The following ARAP2 variants were observed in gnomAD, a reference collection of about 807,000 sequenced individuals.
ARAP2 encodes the protein arf-GAP with Rho-GAP domain, ANK repeat and PH domain-containing protein 2.
ARAP2 carries 148 observed loss-of-function variants against 194.5 expected under a neutral mutation model. That is an observed-to-expected ratio of 0.76 (90% CI 0.67 to 0.87). ARAP2 has a LOEUF of 0.87. ARAP2 is among the 40% of genes least tolerant of loss of function. The pLI is 0.00. For synonymous variants in ARAP2, 695 were observed against 683.5 expected, an observed-to-expected ratio of 1.02 and a Z score of -0.26; for missense variants, 2,128 against 1,989.7, an observed-to-expected ratio of 1.07 and a Z score of -1.32.
chr4:36,164,822 C>T lies in ARAP2; in HGVS notation c.2173+92G>A, dbSNP rs1221248598. 4.8e-6 allele frequency: 6 copies of T among 1,261,312 alleles called. No individual in the cohort carries two copies. In the Admixed American group the frequency reaches 7.4e-5, roughly 16 times the overall value. The allele number at this position is 1,261,312 out of a possible 1,614,324, so 78.1% of individuals were successfully genotyped here. On this transcript the variant is annotated intron_variant, in intron 11 of 32. Coordinates refer to ENST00000303965, the MANE Select transcript of ARAP2 (RefSeq NM_015230.4). Reference sequence around the variant, plus strand: ...CTTTCTCTGGTTTTACTTCTCATAACCATTAGCTAGGATATATAATATGCA... The same window carrying T: ...CTTTCTCTGGTTTTACTTCTCATAATCATTAGCTAGGATATATAATATGCA...
chr4:36,133,432 T>TAA, intron 19 of ARAP2, 43 bp from the exon 20 acceptor site: 1 of 1,515,136 alleles, frequency 6.6e-7, no homozygotes, highest in Non-Finnish European at 9.0e-7. Context: ...TTTTGCTCTT[T>TAA]AAAAAAAAAT....
rs75039472 is a variant in ARAP2 at position 36,163,442 on chromosome 4, T to C, written c.2173+1472A>G. On this transcript the variant is annotated intron_variant, in intron 11 of 32. Transcript: ENST00000303965. ...TTGGTAAATGTGGTGAAAAGATTTTTACCACAGTTGAGAGAAAAGGTAGCT... is the reference window on the plus strand; with the variant it reads ...TTGGTAAATGTGGTGAAAAGATTTTCACCACAGTTGAGAGAAAAGGTAGCT... Among the ~76,000 whole-genome samples the C allele has an allele frequency of 6.6e-3, 1,001 of 152,268 alleles. 11 individuals are homozygous for C. The highest frequency in any genetic ancestry group is 0.023 in the African/African-American group (936 of 41,554).
chr4:36,187,137 A>G (rs959236693), intron 8 of ARAP2, among the ~76,000 whole-genome samples: 4 of 152,236 alleles, frequency 2.6e-5, no homozygotes, highest in Non-Finnish European at 5.9e-5. Flanking sequence ...TTGCATTATC[A>G]AAACAACATC....
At chr4:36,123,852 T>C (rs1723254777) in intron 22 of ARAP2, among the ~76,000 whole-genome samples, 1 of 151,756 alleles carries the variant, frequency 6.6e-6, no homozygotes, top group African/African-American at 2.4e-5. Flanking sequence ...ACATTATCCT[T>C]CACTCATTTC....
chr4:36,118,595 G>C (rs1292610286), intron 24 of ARAP2, among the ~76,000 whole-genome samples: 1 of 151,152 alleles, frequency 6.6e-6, no homozygotes, highest in Non-Finnish European at 1.5e-5. Flanking sequence ...AAATGCAAAA[G>C]GATACTCAAA....
chr4:36,146,701 A>AT (rs1009559826), intron 19 of ARAP2, among the ~76,000 whole-genome samples: 4 of 151,984 alleles, frequency 2.6e-5, no homozygotes, highest in African/African-American at 9.7e-5. Context: ...TATATTGCTT[A>AT]TTTTTCTGTG....
At chr4:36,126,949 C>A (rs1724076780) in intron 21 of ARAP2, among the ~76,000 whole-genome samples, 1 of 151,998 alleles carries the variant, frequency 6.6e-6, no homozygotes, top group Non-Finnish European at 1.5e-5. Flanking sequence ...GTGATCCTCC[C>A]ACCTCAGTCT....
At chr4:36,213,147 C>T in intron 4 of ARAP2, 96 bp downstream of exon 4, 1 of 947,676 alleles carries the variant, frequency 1.1e-6, no homozygotes, top group Non-Finnish European at 1.6e-6. Context: ...AATATAATGC[C>T]ATTCTTCAAA....
intron 5 of ARAP2, among the ~76,000 whole-genome samples, chr4:36,044,169 C>A (rs1721422198): frequency 6.6e-6 from 1 of 151,936 alleles, no homozygotes; most frequent in South Asian, 2.1e-4. Flanking sequence ...GATCATAAAC[C>A]ACCGATGTCA....
chr4:36,037,119 A>C (rs556001025), intron 5 of ARAP2, among the ~76,000 whole-genome samples: 1 of 152,214 alleles, frequency 6.6e-6, no homozygotes, highest in South Asian at 2.1e-4. Context: ...CAAGACCTCC[A>C]TACACTCTTC....
At chr4:36,223,614 G>A (rs192765274) in intron 2 of ARAP2, among the ~76,000 whole-genome samples, 2 of 152,054 alleles carry the variant, frequency 1.3e-5, no homozygotes, top group Non-Finnish European at 1.5e-5. Context: ...CCAACGTGGC[G>A]ACTGTATTTA....
At chr4:36,044,608 G>T (rs1381408710) in intron 5 of ARAP2, among the ~76,000 whole-genome samples, 3 of 151,978 alleles carry the variant, frequency 2.0e-5, no homozygotes, top group Non-Finnish European at 2.9e-5. Context: ...AAACATAGCA[G>T]AAAAGCTCCA....
At chr4:36,179,493 G>GAAGACCCATGGAAATGA (rs1738733658) in intron 8 of ARAP2, among the ~76,000 whole-genome samples, 1 of 152,170 alleles carries the variant, frequency 6.6e-6, no homozygotes, top group Non-Finnish European at 1.5e-5. Flanking sequence ...CTGTACGTAA[G>GAAGACCCATGGAAATGA]AAGACCCATG....
In ARAP2 at chr4:36,068,298, T is replaced by A; in HGVS notation, c.4744-20A>T. 1 of 1,504,078 alleles carries A rather than the reference T, an allele frequency of 6.6e-7. No homozygotes were observed. The highest frequency in any genetic ancestry group is 8.9e-7 in the Non-Finnish European group (1 of 1,129,300). The allele number at this position is 1,504,078 out of a possible 1,614,324, so 93.2% of individuals were successfully genotyped here. A position where few individuals can be genotyped will look rare whatever the true frequency, so the allele number is the denominator to read the frequency against. On this transcript the variant is annotated intron_variant, in intron 32 of 32. Transcript: ENST00000303965. ...TGCACTCTAAAAATAAAATTAAATG[T>A]CTCACAGGGAAGCAAGATTTGGCAC...
chr4:36,210,276 G>A, intron 6 of ARAP2, 114 bp downstream of exon 6: 2 of 921,896 alleles, frequency 2.2e-6, no homozygotes, highest in Admixed American at 2.9e-5. Flanking sequence ...GCATCTCTGT[G>A]TATGTGTGTG....
chr4:36,159,659 T>C (rs1733453868), intron 13 of ARAP2, 154 bp from the exon 14 acceptor site: 5 of 631,506 alleles, frequency 7.9e-6, no homozygotes, highest in Non-Finnish European at 1.1e-5. Context: ...AATTAGGCAA[T>C]AGGCACAAAA....
At chr4:36,175,939 G>A (rs1040531938) in intron 9 of ARAP2, among the ~76,000 whole-genome samples, 4 of 152,036 alleles carry the variant, frequency 2.6e-5, no homozygotes, top group Non-Finnish European at 4.4e-5. Flanking sequence ...GACAAGACTT[G>A]TGTCCTTCTC....
At chr4:36,140,416 T>C (rs939311612) in intron 19 of ARAP2, among the ~76,000 whole-genome samples, 2 of 151,746 alleles carry the variant, frequency 1.3e-5, no homozygotes, top group African/African-American at 2.4e-5. Context: ...CTTTCTTTTT[T>C]AAAAACCTGT....
intron 32 of ARAP2, among the ~76,000 whole-genome samples, chr4:36,068,573 G>C (rs1053325193): frequency 6.6e-6 from 1 of 152,070 alleles, no homozygotes; most frequent in African/African-American, 2.4e-5. Context: ...TCTGAATTTC[G>C]ATCTTTTCCC....
Sources: allele counts gnomAD v4.1 joint callset (sites outside exome capture counted in the v4.1 genomes callset), GRCh38; gene constraint gnomAD v4.1.1; transcripts MANE v1.5; gene names NCBI Gene and HGNC (gene_info 2026-07-23, HGNC 2026-07-21).